AFF4: variants seen among roughly 807,000 people sequenced by gnomAD.
AFF4 encodes ALF transcription elongation factor 4.
In AFF4, 13 loss-of-function variants were observed where a neutral mutation model predicts 124.8. That is an observed-to-expected ratio of 0.10 (90% CI 0.07 to 0.17). The LOEUF is 0.17. Among genes scored for constraint, AFF4 ranks in the 10% least tolerant of loss-of-function variants. The pLI is 1.00. For synonymous variants in AFF4, 477 were observed against 496.1 expected (o/e 0.96, Z 0.51); for missense variants, 1,092 against 1,403.8 (o/e 0.78, Z 3.55).
At position 132,954,787 on chromosome 5, in the gene AFF4, T is replaced by C. The variant is rs1761917465; in HGVS notation, c.-5+8472A>G. Among the ~76,000 whole-genome samples, 3 of 152,162 alleles carry C rather than the reference T, an allele frequency of 2.0e-5. No individual in the cohort carries two copies. In the South Asian group the frequency reaches 6.2e-4, roughly 32 times the overall value. On this transcript the variant is annotated intron_variant, in intron 1 of 20. Transcript: ENST00000265343. ...TGGTCTCGATCTCCTGACCTCGTGA[T>C]CCGCCCGCCTCGGCCTCCCAAAGTG...
intron 15 of AFF4, 47 bp downstream of exon 15, chr5:132,888,050 A>C (rs1760160750): frequency 1.2e-6 from 2 of 1,606,056 alleles, no homozygotes; most frequent in African/African-American, 2.7e-5. Context: ...AAGATTACTT[A>C]AGTTAATTTG....
At chr5:132,938,708 C>T (rs186134140) in intron 1 of AFF4, among the ~76,000 whole-genome samples, 1 of 151,906 alleles carries the variant, frequency 6.6e-6, no homozygotes, top group Non-Finnish European at 1.5e-5. Flanking sequence ...CTTTGGGAGG[C>T]CGAGGTGGGC....
At position 132,934,376 on chromosome 5, in the gene AFF4, C is replaced by A; in HGVS notation, c.689G>T (p.Ser230Ile). The stretch of plus-strand genomic sequence containing the variant: ...GAAAGATTGAGTTGAGTGCTGCCCA[C>A]TTGAAAAAGGTACACGGGAAGGAGA... ...WDSPSRVPFS[S>I]GQHSTQSFPP... The change falls in exon 3 of 21, where the codon AGT becomes ATT. Residue 230 changes from serine to isoleucine, a missense_variant. Physicochemically the swap from Ser to Ile is moderately radical, Grantham distance 142. Around this residue, in one of 11 missense-constraint regions of AFF4, gnomAD observed 188 missense variants for 203.0 expected, o/e 0.93. Transcript: ENST00000265343. 6.2e-7 allele frequency: 1 copy of A among 1,614,102 alleles called. No homozygotes were observed. The highest frequency in any genetic ancestry group is 8.5e-7 in the Non-Finnish European group (1 of 1,180,024).
chr5:132,933,385 G>A (rs535611551), intron 3 of AFF4, among the ~76,000 whole-genome samples: 9 of 147,286 alleles, frequency 6.1e-5, no homozygotes, highest in South Asian at 2.1e-4. Context: ...CAACAAGAGC[G>A]AAACTCCAAC....
intron 13 of AFF4, among the ~76,000 whole-genome samples, chr5:132,891,022 TAATTA>T (rs1194842126): frequency 7.3e-5 from 11 of 151,362 alleles, no homozygotes; most frequent in Admixed American, 2.6e-4. Context: ...ATAAATTAAT[TAATTA>T]AATTAAATAA....
intron 1 of AFF4, among the ~76,000 whole-genome samples, chr5:132,938,360 C>T (rs1017783474): frequency 4.0e-5 from 6 of 151,650 alleles, no homozygotes; most frequent in South Asian, 2.1e-4. Context: ...CTATGCCTCC[C>T]GGGTTCAAGC....
At chr5:132,958,571 G>A (rs902277442) in intron 1 of AFF4, among the ~76,000 whole-genome samples, 1 of 151,598 alleles carries the variant, frequency 6.6e-6, no homozygotes, top group Non-Finnish European at 1.5e-5. Flanking sequence ...ACTTCAAGAA[G>A]GCAATGAAAC....
chr5:132,880,043 A>C lies in AFF4; in HGVS notation c.*1016T>G. 1 of 394,398 alleles carries C rather than the reference A, an allele frequency of 2.5e-6. No homozygotes were observed. The highest frequency in any genetic ancestry group is 3.6e-5 in the East Asian group (1 of 27,944). 24.4% of individuals were successfully genotyped at this position (394,398 alleles called of 1,614,324 possible). ...TTGCATGCTCATATCAGAGCATCACAATCCAGTATGAGGGGGAAAAATCTG... is the reference window on the plus strand; with the variant it reads ...TTGCATGCTCATATCAGAGCATCACCATCCAGTATGAGGGGGAAAAATCTG... On this transcript the variant is annotated 3_prime_UTR_variant, in exon 21 of 21. Transcript: ENST00000265343.
At chr5:132,892,719 C>G (rs1760294576) in intron 12 of AFF4, among the ~76,000 whole-genome samples, 2 of 152,226 alleles carry the variant, frequency 1.3e-5, no homozygotes, top group South Asian at 4.1e-4. Flanking sequence ...AGTTGGCAAC[C>G]AGTCTCTTGG....
At position 132,927,223 on chromosome 5, in the gene AFF4, T is replaced by C; in HGVS notation, c.964-16A>G. On this transcript the variant is annotated splice_polypyrimidine_tract_variant and intron_variant, in intron 4 of 20. Transcript: ENST00000265343. The stretch of plus-strand genomic sequence containing the variant: ...GCGTCATCTCCTGAAATGTAATTAT[T>C]ACAGTTTGTTTTCAACCAGGTCAAG... The C allele has an allele frequency of 2.5e-6, 4 of 1,606,554 alleles. No homozygotes were observed. The highest frequency in any genetic ancestry group is 3.4e-6 in the Non-Finnish European group (4 of 1,176,258).
At position 132,903,626 on chromosome 5, in the gene AFF4, A is replaced by G. The variant is rs141843427; in HGVS notation, c.1087+742T>C. 5.4e-3 allele frequency among the ~76,000 whole-genome samples: 823 copies of G among 152,302 alleles called. 5 individuals carry two copies. The highest frequency in any genetic ancestry group is 0.027 in the Middle Eastern group (8 of 294). ...AGAGAGTAAGGGTAAAGGTGAGGGT[A>G]TAGCAGGCAGCAGATTTTCTACCCA... On this transcript the variant is annotated intron_variant, in intron 6 of 20. Coordinates refer to ENST00000265343, the MANE Select transcript of AFF4 (RefSeq NM_014423.4).
In AFF4 at chr5:132,892,377, T is replaced by C; in HGVS notation, c.2424A>G (p.Glu808=). 6.2e-7 allele frequency: 1 copy of C among 1,613,656 alleles called. No homozygotes were observed. Among genetic ancestry groups the C allele is most frequent in the Non-Finnish European group, 8.5e-7 (1 of 1,179,622 alleles). ...CAGCGGGAGAAGGCAACAAATCCTT[T>C]TCTTTTGCAGCACTCTGCTTAGATG... ...RESSKQSAAK[E]KDLLPSPAGP... The change falls in exon 13 of 21, where the codon GAA becomes GAG. Residue 808 remains glutamate (E), a synonymous_variant. Coordinates refer to ENST00000265343, the MANE Select transcript of AFF4 (RefSeq NM_014423.4).
chr5:132,911,093 G>A (rs1760783490), intron 5 of AFF4, among the ~76,000 whole-genome samples: 1 of 152,058 alleles, frequency 6.6e-6, no homozygotes, highest in African/African-American at 2.4e-5. Flanking sequence ...GATTTCCTAA[G>A]GTTACCTCTT....
chr5:132,912,173 C>CAAAAAAAAAA (rs1188332109), intron 5 of AFF4, among the ~76,000 whole-genome samples: 2 of 64,088 alleles, frequency 3.1e-5, no homozygotes, highest in Non-Finnish European at 6.7e-5. Context: ...ACTAAAAATA[C>CAAAAAAAAAA]AAAAAAAAAA....
intron 1 of AFF4, among the ~76,000 whole-genome samples, chr5:132,940,386 A>T (rs1005410430): frequency 2.6e-5 from 4 of 151,162 alleles, no homozygotes; most frequent in African/African-American, 9.7e-5. Context: ...CTGAAGTCCC[A>T]GCTACTCGGG....
At chr5:132,930,800 T>C (rs956667388) in intron 4 of AFF4, among the ~76,000 whole-genome samples, 4 of 151,984 alleles carry the variant, frequency 2.6e-5, no homozygotes, top group Admixed American at 2.6e-4. Context: ...ATTTTAAACA[T>C]GTGTCATTAA....
At chr5:132,954,928 C>T (rs1761920402) in intron 1 of AFF4, among the ~76,000 whole-genome samples, 1 of 152,222 alleles carries the variant, frequency 6.6e-6, no homozygotes, top group Non-Finnish European at 1.5e-5. Flanking sequence ...TAGCCTTTCA[C>T]ATCCTGCCCT....
At chr5:132,952,889 CTCTG>C (rs1453590424) in intron 1 of AFF4, among the ~76,000 whole-genome samples, 1 of 150,392 alleles carries the variant, frequency 6.6e-6, no homozygotes, top group Non-Finnish European at 1.5e-5. Context: ...CGGAGTGAGA[CTCTG>C]TCTCAAACAA....
intron 5 of AFF4, among the ~76,000 whole-genome samples, chr5:132,907,611 T>C (rs1294734384): frequency 6.6e-6 from 1 of 152,170 alleles, no homozygotes; most frequent in Non-Finnish European, 1.5e-5. Flanking sequence ...TGTGCTTGTA[T>C]GCATGTGTGC....
Sources: allele counts gnomAD v4.1 joint callset (sites outside exome capture counted in the v4.1 genomes callset), GRCh38; gene constraint gnomAD v4.1.1; regional missense constraint gnomAD v4.1.1; transcripts MANE v1.5; gene names NCBI Gene and HGNC (gene_info 2026-07-23, HGNC 2026-07-21).